LUZP2: variants seen among roughly 807,000 people sequenced by gnomAD.
The protein encoded by LUZP2 is leucine zipper protein 2.
LUZP2 carries 52 observed loss-of-function variants against 51.6 expected under a neutral mutation model. The ratio of observed to expected loss-of-function variants is 1.01; its 90% CI spans 0.81 to 1.27. The LOEUF is 1.27. Among genes scored for constraint, LUZP2 ranks in the 50% most tolerant of loss-of-function variants. The pLI is 0.00. For synonymous variants in LUZP2, 154 were observed against 137.3 expected (o/e 1.12, Z -0.85); for missense variants, 436 against 395.4 (o/e 1.10, Z -0.87).
At chr11:24,858,098 G>A (rs139625542) in intron 5 of LUZP2, among the ~76,000 whole-genome samples, 6 of 151,992 alleles carry the variant, frequency 3.9e-5, no homozygotes, top group South Asian at 2.1e-4. Flanking sequence ...TTGTCCCCAG[G>A]GGGGAAGGAA....
chr11:24,827,258 G>A (rs995739766), intron 5 of LUZP2, among the ~76,000 whole-genome samples: 29 of 152,136 alleles, frequency 1.9e-4, no homozygotes, highest in African/African-American at 7.0e-4. Context: ...ACCAGAGTGG[G>A]TCAGAATTCA....
At chr11:24,872,227 T>G (rs2134269964) in intron 5 of LUZP2, among the ~76,000 whole-genome samples, 1 of 152,260 alleles carries the variant, frequency 6.6e-6, no homozygotes, top group Non-Finnish European at 1.5e-5. Context: ...TACTTACAAT[T>G]ACTGCAAATT....
intron 1 of LUZP2, among the ~76,000 whole-genome samples, chr11:24,599,874 C>T (rs561394850): frequency 2.4e-4 from 36 of 152,196 alleles, no homozygotes; most frequent in South Asian, 6.2e-4. Context: ...CAATTTTTCA[C>T]GACTCAAAGT....
At chr11:24,930,236 A>G (rs1464244156) in intron 7 of LUZP2, among the ~76,000 whole-genome samples, 3 of 152,238 alleles carry the variant, frequency 2.0e-5, no homozygotes, top group East Asian at 3.9e-4. Context: ...ATTCAATGTT[A>G]CTATTGAGAT....
intron 1 of LUZP2, among the ~76,000 whole-genome samples, chr11:24,650,346 A>C (rs1179466696): frequency 6.6e-6 from 1 of 152,010 alleles, no homozygotes; most frequent in Non-Finnish European, 1.5e-5. Flanking sequence ...TTTCTAAAGC[A>C]TCAAATTACA....
intron 1 of LUZP2, among the ~76,000 whole-genome samples, chr11:24,570,489 C>T (rs772360736): frequency 6.6e-6 from 1 of 151,960 alleles, no homozygotes; most frequent in Non-Finnish European, 1.5e-5. Flanking sequence ...ATAGCTTGTA[C>T]ATCTTGATTT....
intron 1 of LUZP2, among the ~76,000 whole-genome samples, chr11:24,695,762 T>C (rs1857227305): frequency 6.6e-6 from 1 of 152,100 alleles, no homozygotes; most frequent in African/African-American, 2.4e-5. Flanking sequence ...AATACAATGA[T>C]GTATGATTTT....
chr11:24,606,479 G>C (rs964300843), intron 1 of LUZP2, among the ~76,000 whole-genome samples: 1 of 152,114 alleles, frequency 6.6e-6, no homozygotes, highest in East Asian at 1.9e-4. Context: ...ACCTGTAGGT[G>C]TGTGTGTCTA....
intron 1 of LUZP2, among the ~76,000 whole-genome samples, chr11:24,602,108 GTGTATATA>G (rs1234363416): frequency 0.03 from 3,421 of 115,250 alleles, 112 homozygotes; most frequent in South Asian, 0.095. Context: ...ATGTGTATAT[GTGTATATA>G]TGTATATATG....
At chr11:24,668,489 C>A (rs1365371179) in intron 1 of LUZP2, among the ~76,000 whole-genome samples, 1 of 152,100 alleles carries the variant, frequency 6.6e-6, no homozygotes, top group Non-Finnish European at 1.5e-5. Flanking sequence ...AAACTAGCAA[C>A]CCTTGTAAAG....
intron 5 of LUZP2, among the ~76,000 whole-genome samples, chr11:24,897,249 G>C (rs1853098137): frequency 6.6e-6 from 1 of 152,202 alleles, no homozygotes; most frequent in Non-Finnish European, 1.5e-5. Flanking sequence ...TGTAAAATGG[G>C]CCAATCAGCA....
chr11:24,780,596 T>TTGA (rs1190831511), intron 5 of LUZP2, among the ~76,000 whole-genome samples: 1 of 152,098 alleles, frequency 6.6e-6, no homozygotes, highest in Non-Finnish European at 1.5e-5. Flanking sequence ...ATAATGATGG[T>TTGA]TGATGATGAT....
At chr11:24,893,701 G>A (rs1852927883) in intron 5 of LUZP2, among the ~76,000 whole-genome samples, 1 of 151,170 alleles carries the variant, frequency 6.6e-6, no homozygotes, top group Non-Finnish European at 1.5e-5. Context: ...CTTCTTTAAA[G>A]GCCTGGCATA....
At chr11:24,500,033 G>A (rs1477940723) in intron 1 of LUZP2, among the ~76,000 whole-genome samples, 1 of 152,084 alleles carries the variant, frequency 6.6e-6, no homozygotes, top group Non-Finnish European at 1.5e-5. Context: ...TTTTTGAATA[G>A]CTTTCTCTTT....
chr11:24,959,241 C>G (rs1185607989), intron 7 of LUZP2, among the ~76,000 whole-genome samples: 1 of 152,036 alleles, frequency 6.6e-6, no homozygotes. Context: ...GATGCGGGCT[C>G]TTTTTTAGTT....
intron 9 of LUZP2, among the ~76,000 whole-genome samples, chr11:25,030,252 AT>A (rs1487543914): frequency 1.3e-5 from 2 of 152,160 alleles, no homozygotes; most frequent in Non-Finnish European, 2.9e-5. Flanking sequence ...TATTTCAAGG[AT>A]ATCTTTGTTA....
chr11:24,532,553 A>G (rs960792660), intron 1 of LUZP2, among the ~76,000 whole-genome samples: 1 of 151,026 alleles, frequency 6.6e-6, no homozygotes, highest in South Asian at 2.1e-4. Flanking sequence ...TCATCAAAAC[A>G]CAAAAAAGTC....
chr11:24,841,126 TG>T (rs553454790), intron 5 of LUZP2, among the ~76,000 whole-genome samples: 119 of 152,038 alleles, frequency 7.8e-4, no homozygotes, highest in Middle Eastern at 6.8e-3. Context: ...TAATGTCCAA[TG>T]GGATGGTATT....
intron 1 of LUZP2, among the ~76,000 whole-genome samples, chr11:24,714,832 T>G (rs1015840219): frequency 6.6e-6 from 1 of 152,182 alleles, no homozygotes; most frequent in Non-Finnish European, 1.5e-5. Flanking sequence ...TCACCTTCTG[T>G]GCACAGCCCT....
Sources: gnomAD v4.1 joint callset for allele counts (sites outside exome capture counted in the v4.1 genomes callset) on GRCh38, gnomAD v4.1.1 for gene constraint, MANE v1.5 for transcripts, NCBI Gene and HGNC (gene_info 2026-07-23, HGNC 2026-07-21) for gene names.